Variants in RIMBP2 observed in about 807,000 individuals in gnomAD.
RIMBP2 encodes the protein RIMS-binding protein 2.
A neutral mutation model predicts 118.6 loss-of-function variants in RIMBP2; 48 were observed. The ratio of observed to expected loss-of-function variants is 0.40; its 90% CI spans 0.32 to 0.51. RIMBP2 has a LOEUF of 0.51. Ranked by LOEUF, RIMBP2 falls within the 20% of genes least tolerant of loss-of-function variation. The pLI, the probability that RIMBP2 is intolerant of heterozygous loss-of-function variation, is 0.41. For synonymous variants in RIMBP2, 762 were observed against 742.9 expected, an observed-to-expected ratio of 1.03 and a Z score of -0.42; for missense variants, 1,551 against 1,768.3, an observed-to-expected ratio of 0.88 and a Z score of 2.20.
chr12:130,611,471 C>A (rs1031666769), intron 2 of RIMBP2, among the ~76,000 whole-genome samples: 2 of 152,324 alleles, frequency 1.3e-5, no homozygotes, highest in South Asian at 4.1e-4. Context: ...CGCATCTCTG[C>A]CCCCGATCCT....
chr12:130,436,877 G>A lies in RIMBP2; in HGVS notation c.2071C>T (p.Arg691Trp), dbSNP rs373828167. 25 of 1,558,792 alleles carry A rather than the reference G, an allele frequency of 1.6e-5. No homozygotes were observed. The African/African-American group carries it at 1.6e-4, about 10-fold the overall frequency. ...TCGGCCACCCTCTGCGCGGCCTCCC[G>A]GGCCATGGCCTTGGCGACGGTGGTG... is the stretch of plus-strand genomic sequence containing the variant. ...VSTTVAKAMA[R>W]EAAQRVAESS... Residue 691 changes from arginine to tryptophan, a missense_variant, in exon 13 of 23, where the codon CGG (arginine) becomes TGG (tryptophan). Transcript: ENST00000690449.
chr12:130,510,477 C>CT (rs903322419), intron 3 of RIMBP2, among the ~76,000 whole-genome samples: 73 of 151,552 alleles, frequency 4.8e-4, no homozygotes, highest in African/African-American at 1.5e-3. Flanking sequence ...TTTACTCTTT[C>CT]TTTTTTTTTG....
intron 2 of RIMBP2, among the ~76,000 whole-genome samples, chr12:130,573,157 A>C (rs906162944): frequency 6.6e-6 from 1 of 152,038 alleles, no homozygotes; most frequent in Non-Finnish European, 1.5e-5. Context: ...GCTTCATCCC[A>C]AAAAAAGGTA....
intron 2 of RIMBP2, among the ~76,000 whole-genome samples, chr12:130,606,528 G>A (rs985281140): frequency 5.9e-5 from 9 of 152,196 alleles, no homozygotes; most frequent in Middle Eastern, 3.2e-3. Context: ...TTGAAGAGGC[G>A]GAAGCTGAGC....
chr12:130,481,208 A>AGGTGGTGAGGGCGGG (rs1209030060), intron 4 of RIMBP2, among the ~76,000 whole-genome samples: 80 of 151,810 alleles, frequency 5.3e-4, no homozygotes, highest in South Asian at 1.0e-3. Flanking sequence ...AGGAGGAGGC[A>AGGTGGTGAGGGCGGG]GACAGGCTGA....
chr12:130,667,677 T>G (rs2136418926), intron 1 of RIMBP2: 1 of 152,248 alleles, frequency 6.6e-6, no homozygotes, highest in Admixed American at 6.5e-5. Context: ...GACCTTGTGA[T>G]TAGAGGTTTG....
intron 2 of RIMBP2, among the ~76,000 whole-genome samples, chr12:130,573,485 G>C (rs964692090): frequency 6.6e-6 from 1 of 152,084 alleles, no homozygotes; most frequent in Non-Finnish European, 1.5e-5. Flanking sequence ...TGTGAGGTGC[G>C]TGTGCTTACT....
chr12:130,504,655 G>A (rs1029907964), intron 4 of RIMBP2, among the ~76,000 whole-genome samples: 3 of 152,066 alleles, frequency 2.0e-5, no homozygotes, highest in Non-Finnish European at 2.9e-5. Flanking sequence ...CTGACCCCCA[G>A]AACTGTAAGA....
intron 2 of RIMBP2, among the ~76,000 whole-genome samples, chr12:130,537,842 C>T (rs754210525): frequency 7.2e-5 from 11 of 152,326 alleles, no homozygotes; most frequent in East Asian, 1.9e-4. Context: ...GCTATGTCAG[C>T]GCTCAGGTCT....
intron 2 of RIMBP2, among the ~76,000 whole-genome samples, chr12:130,585,515 G>T (rs1342982921): frequency 1.3e-5 from 2 of 151,778 alleles, no homozygotes; most frequent in Non-Finnish European, 2.9e-5. Context: ...GGGAGGCTGA[G>T]GTGGGAGAAC....
At chr12:130,693,454 C>T (rs1187896474) in intron 1 of RIMBP2, among the ~76,000 whole-genome samples, 1 of 152,186 alleles carries the variant, frequency 6.6e-6, no homozygotes, top group Non-Finnish European at 1.5e-5. Context: ...ACTTCTCAGA[C>T]TGCTTCCATT....
intron 1 of RIMBP2, among the ~76,000 whole-genome samples, chr12:130,668,808 G>A (rs929315529): frequency 2.0e-5 from 3 of 152,212 alleles, no homozygotes; most frequent in Admixed American, 2.0e-4. Context: ...GCCATGCCAA[G>A]CTATGCCCTG....
intron 2 of RIMBP2, among the ~76,000 whole-genome samples, chr12:130,618,711 C>T (rs34962571): frequency 1.6e-4 from 25 of 152,192 alleles, no homozygotes; most frequent in African/African-American, 4.8e-4. Context: ...AGTGCCTAGA[C>T]GGAAACATCT....
chr12:130,547,610 G>A (rs1445685419), intron 2 of RIMBP2, among the ~76,000 whole-genome samples: 5 of 152,128 alleles, frequency 3.3e-5, no homozygotes, highest in African/African-American at 7.2e-5. Flanking sequence ...AGATTACATC[G>A]ATCCCTGCTG....
intron 2 of RIMBP2, among the ~76,000 whole-genome samples, chr12:130,604,499 TCACTCACTCACTCACTCACC>T (rs1320047870): frequency 3.2e-5 from 2 of 62,820 alleles, no homozygotes; most frequent in African/African-American, 1.2e-4. Context: ...ACTCACTCAC[TCACTCACTCACTCACTCACC>T]AGAGCAACTT....
Position 130,713,211 on chromosome 12 carries a change from T to TAGGAAGGA in RIMBP2, c.-352+3003_-352+3010dup, listed in dbSNP as rs66952529. ...GAAAGAAGGAAGGAAGGAAGGAAGATAGGAAGGAAGGAAGGAAGGAAGGAA... is the reference window on the plus strand; with the variant it reads ...GAAAGAAGGAAGGAAGGAAGGAAGATAGGAAGGAAGGAAGGAAGGAAGGAAGGAAGGAA... On this transcript the variant is annotated intron_variant, in intron 1 of 22. Transcript: ENST00000690449. Among the ~76,000 whole-genome samples the TAGGAAGGA allele has an allele frequency of 9.3e-4, 91 of 98,178 alleles. 1 individual carries two copies. The highest frequency in any genetic ancestry group is 2.8e-3 in the African/African-American group (66 of 23,600). 64.4% of individuals were successfully genotyped at this position (98,178 alleles called of 152,430 possible).
chr12:130,496,933 C>A (rs986395704), intron 4 of RIMBP2, among the ~76,000 whole-genome samples: 6 of 152,154 alleles, frequency 3.9e-5, no homozygotes, highest in South Asian at 2.1e-4. Context: ...ACAACAGCAA[C>A]CCATCCTCTC....
intron 7 of RIMBP2, among the ~76,000 whole-genome samples, chr12:130,455,602 G>A (rs1302287270): frequency 6.6e-6 from 1 of 152,214 alleles, no homozygotes; most frequent in Non-Finnish European, 1.5e-5. Context: ...GAGCGGAGAG[G>A]CAGGAGAATG....
chr12:130,486,262 G>A (rs2082462957), intron 4 of RIMBP2, among the ~76,000 whole-genome samples: 1 of 152,150 alleles, frequency 6.6e-6, no homozygotes, highest in Non-Finnish European at 1.5e-5. Flanking sequence ...CACCAGGGCT[G>A]CTCCTCCTGG....
Sources: gnomAD v4.1 joint callset for allele counts (sites outside exome capture counted in the v4.1 genomes callset) on GRCh38, gnomAD v4.1.1 for gene constraint, MANE v1.5 for transcripts, NCBI Gene and HGNC (gene_info 2026-07-23, HGNC 2026-07-21) for gene names.